The following ADGRL2 variants were observed in gnomAD, a reference collection of about 807,000 sequenced individuals.
The protein encoded by ADGRL2 is adhesion G protein-coupled receptor L2, also known as calcium-independent alpha-latrotoxin receptor 2.
ADGRL2 carries 44 observed loss-of-function variants against 157.4 expected under a neutral mutation model. That is an observed-to-expected ratio of 0.28 (90% CI 0.22 to 0.36). The LOEUF is 0.36. ADGRL2 is among the 10% of genes least tolerant of loss of function. The pLI is 1.00. For missense variants in ADGRL2, 1,510 were observed against 1,768.9 expected, an observed-to-expected ratio of 0.85 and a Z score of 2.63; for synonymous variants, 585 against 624.7, an observed-to-expected ratio of 0.94 and a Z score of 0.95.
At position 81,536,258 on chromosome 1, in the gene ADGRL2, C is replaced by A. The variant is rs749707884; in HGVS notation, c.-247-44618C>A. Among the ~76,000 whole-genome samples the A allele has an allele frequency of 1.2e-3, 188 of 151,818 alleles. 3 individuals carry two copies. The highest frequency in any genetic ancestry group is 6.8e-4 in the Non-Finnish European group (46 of 67,952). On this transcript the variant is annotated intron_variant, in intron 2 of 24. Transcript: ENST00000370721. ...ATGATTTTTAAATTTTGTATTTGGC[C>A]CCTGTAGTCTCTCTTCACTTACTTT...
chr1:81,853,659 G>T (rs934205875), intron 2 of ADGRL2, among the ~76,000 whole-genome samples: 1 of 152,148 alleles, frequency 6.6e-6, no homozygotes, highest in African/African-American at 2.4e-5. Flanking sequence ...AGCAAATAAA[G>T]TATTAATAAA....
rs547182832 is a variant in ADGRL2, at chr1:81,819,590, TACTC to T, written c.-100-17292_-100-17289del. Among the ~76,000 whole-genome samples the T allele has an allele frequency of 3.1e-3, 475 of 152,334 alleles. 2 individuals are homozygous for T. Among genetic ancestry groups the T allele is most frequent in the African/African-American group, 0.011 (451 of 41,586 alleles). On this transcript the variant is annotated intron_variant, in intron 1 of 23. Transcript: ENST00000686636. ...TTAAGTGATACTAATTTTTTTTAAA[TACTC>T]ACATAAAGTGAAAATTTTTATTATG...
chr1:81,851,352 A>G (rs1381100496), intron 2 of ADGRL2, among the ~76,000 whole-genome samples: 2 of 151,846 alleles, frequency 1.3e-5, no homozygotes, highest in Admixed American at 1.3e-4. Flanking sequence ...TTTGCTTTTT[A>G]TGGTTTGAGA....
At chr1:81,793,337 T>TA (rs2087437276) in intron 2 of ADGRL2, among the ~76,000 whole-genome samples, 1 of 152,152 alleles carries the variant, frequency 6.6e-6, no homozygotes, top group Non-Finnish European at 1.5e-5. Context: ...TAATTTTGTT[T>TA]AAAGTATTTC....
chr1:81,553,258 T>C (rs114532964), intron 2 of ADGRL2, among the ~76,000 whole-genome samples: 2,108 of 152,318 alleles, frequency 0.014, 68 homozygotes, highest in African/African-American at 0.049. Flanking sequence ...TAATAAAGAT[T>C]AGATTATAAG....
intron 2 of ADGRL2, among the ~76,000 whole-genome samples, chr1:81,788,933 G>T (rs1416549752): frequency 6.6e-6 from 1 of 152,108 alleles, no homozygotes; most frequent in East Asian, 1.9e-4. Context: ...AACCAGGATG[G>T]TCTCGATCTC....
intron 2 of ADGRL2, among the ~76,000 whole-genome samples, chr1:81,462,897 T>C (rs771510160): frequency 6.6e-6 from 1 of 151,904 alleles, no homozygotes; most frequent in African/African-American, 2.4e-5. Flanking sequence ...GGTGGATTGC[T>C]TGAGCCCAGG....
At chr1:81,384,131 G>A (rs1228717348) in intron 1 of ADGRL2, among the ~76,000 whole-genome samples, 1 of 152,070 alleles carries the variant, frequency 6.6e-6, no homozygotes, top group African/African-American at 2.4e-5. Context: ...ACTGCACATT[G>A]TGGCTTTATC....
At chr1:81,438,328 A>C (rs980451680) in intron 1 of ADGRL2, among the ~76,000 whole-genome samples, 2 of 152,188 alleles carry the variant, frequency 1.3e-5, no homozygotes, top group Non-Finnish European at 2.9e-5. Flanking sequence ...AATAAATTGC[A>C]TAAATTTAGA....
intron 1 of ADGRL2, among the ~76,000 whole-genome samples, chr1:81,341,703 C>G (rs1312941548): frequency 1.4e-5 from 2 of 142,350 alleles, no homozygotes; most frequent in African/African-American, 2.5e-5. Flanking sequence ...GATGGTTCTA[C>G]CTTTCTATAA....
At chr1:81,607,102 T>C (rs1278562529) in intron 3 of ADGRL2, among the ~76,000 whole-genome samples, 1 of 152,220 alleles carries the variant, frequency 6.6e-6, no homozygotes, top group East Asian at 1.9e-4. Flanking sequence ...TGAATCCTGG[T>C]TATAATACCC....
intron 3 of ADGRL2, among the ~76,000 whole-genome samples, chr1:81,660,160 G>T (rs1319058044): frequency 1.3e-5 from 2 of 152,132 alleles, no homozygotes; most frequent in African/African-American, 4.8e-5. Context: ...CCCATTTAAA[G>T]CTGTGGAAAA....
At chr1:81,374,595 G>T (rs1225870751) in intron 1 of ADGRL2, among the ~76,000 whole-genome samples, 1 of 48,396 alleles carries the variant, frequency 2.1e-5, no homozygotes, top group Non-Finnish European at 5.2e-5. Context: ...AAAACAAGTT[G>T]CCTTGCTAGG....
chr1:81,433,436 C>A (rs1052962753), intron 1 of ADGRL2, among the ~76,000 whole-genome samples: 2 of 152,114 alleles, frequency 1.3e-5, no homozygotes, highest in Admixed American at 1.3e-4. Context: ...GAGAAGTGTG[C>A]CCTGAGTTTT....
intron 1 of ADGRL2, among the ~76,000 whole-genome samples, chr1:81,759,155 A>G (rs2085787337): frequency 6.6e-6 from 1 of 152,204 alleles, no homozygotes; most frequent in South Asian, 2.1e-4. Context: ...TCTGTAATAC[A>G]TAAGACATAA....
At chr1:81,316,575 C>G (rs979956314) in intron 1 of ADGRL2, among the ~76,000 whole-genome samples, 3 of 152,018 alleles carry the variant, frequency 2.0e-5, no homozygotes, top group Non-Finnish European at 4.4e-5. Flanking sequence ...CAGATGTTCC[C>G]CCTTTAAGGA....
chr1:81,655,340 T>C (rs1420073826), intron 3 of ADGRL2, among the ~76,000 whole-genome samples: 6 of 152,088 alleles, frequency 3.9e-5, no homozygotes, highest in African/African-American at 1.4e-4. Flanking sequence ...ACCCCCATTT[T>C]CCAGAAAAAG....
At chr1:81,819,039 A>C (rs926935366) in intron 1 of ADGRL2, among the ~76,000 whole-genome samples, 7 of 152,112 alleles carry the variant, frequency 4.6e-5, no homozygotes, top group African/African-American at 1.7e-4. Flanking sequence ...TGCTCTTTTA[A>C]GATTCTCTTG....
At chr1:81,873,721 G>C (rs3790926) in intron 2 of ADGRL2, among the ~76,000 whole-genome samples, 77,702 of 151,872 alleles carry the variant, frequency 0.51, 20,793 homozygotes, top group East Asian at 0.86. Flanking sequence ...TCTTTGAATA[G>C]AGAATGAGGT....
Sources: allele counts gnomAD v4.1 joint callset (sites outside exome capture counted in the v4.1 genomes callset), GRCh38; gene constraint gnomAD v4.1.1; transcripts MANE v1.5; gene names NCBI Gene and HGNC (gene_info 2026-07-23, HGNC 2026-07-21).